The following IRF2 variants were observed in gnomAD, a reference collection of about 807,000 sequenced individuals.
IRF2 encodes the protein interferon regulatory factor 2.
A neutral mutation model predicts 40.6 loss-of-function variants in IRF2; 15 were observed. That is an observed-to-expected ratio of 0.37 (90% CI 0.25 to 0.57). IRF2 has a LOEUF of 0.57. IRF2 is among the 20% of genes least tolerant of loss of function. IRF2 has a pLI of 0.77. For missense variants in IRF2, 317 were observed against 455.7 expected (o/e 0.70, Z 2.77); for synonymous variants, 151 against 165.5 (o/e 0.91, Z 0.67).
At chr4:184,441,031 A>G (rs116196360) in intron 1 of IRF2, among the ~76,000 whole-genome samples, 2 of 152,334 alleles carry the variant, frequency 1.3e-5, no homozygotes, top group Middle Eastern at 3.4e-3. Flanking sequence ...TCTTTTCCAC[A>G]ATACTTGGCC....
At chr4:184,423,521 G>A (rs557744408) in intron 2 of IRF2, among the ~76,000 whole-genome samples, 1 of 152,114 alleles carries the variant, frequency 6.6e-6, no homozygotes, top group Non-Finnish European at 1.5e-5. Flanking sequence ...GAGATAGCCT[G>A]ATGTTTACAC....
chr4:184,431,713 G>A (rs778292166), intron 1 of IRF2, among the ~76,000 whole-genome samples: 10 of 152,228 alleles, frequency 6.6e-5, no homozygotes, highest in Non-Finnish European at 1.2e-4. Context: ...CTGACGTGCA[G>A]AAGTGCTGTG....
At chr4:184,433,352 G>C (rs1737959526) in intron 1 of IRF2, among the ~76,000 whole-genome samples, 1 of 152,084 alleles carries the variant, frequency 6.6e-6, no homozygotes, top group Non-Finnish European at 1.5e-5. Context: ...ATGCTCAATG[G>C]CCTGGCTCTC....
At chr4:184,458,073 A>C (rs1430209239) in intron 1 of IRF2, among the ~76,000 whole-genome samples, 1 of 152,138 alleles carries the variant, frequency 6.6e-6, no homozygotes, top group Non-Finnish European at 1.5e-5. Flanking sequence ...CTTTCAACCA[A>C]AAATGCCCTG....
intron 6 of IRF2, among the ~76,000 whole-genome samples, chr4:184,405,008 C>T (rs1029286636): frequency 2.0e-5 from 3 of 152,098 alleles, no homozygotes; most frequent in Admixed American, 6.5e-5. Flanking sequence ...TTTGGGAGAC[C>T]GAGGTAGGTG....
intron 6 of IRF2, 40 bp from the exon 7 acceptor site, chr4:184,399,119 C>T (rs781140860): frequency 1.3e-6 from 2 of 1,540,122 alleles, no homozygotes; most frequent in Non-Finnish European, 1.7e-6. Flanking sequence ...GTCTGCTGAC[C>T]TCACAATTCT....
intron 6 of IRF2, among the ~76,000 whole-genome samples, chr4:184,406,112 TCTC>T (rs1163101870): frequency 6.6e-6 from 1 of 152,046 alleles, no homozygotes; most frequent in Non-Finnish European, 1.5e-5. Context: ...TCAGGCCCCT[TCTC>T]CTAAGGGGTG....
rs1013033233 is a variant in IRF2, at chr4:184,458,755, A to G, written c.-7+15624T>C. On this transcript the variant is annotated intron_variant, in intron 1 of 8. Coordinates refer to ENST00000393593, the MANE Select transcript of IRF2 (RefSeq NM_002199.4). ...GTTTTCAATAAAGTTCAACTCTTCA[A>G]AAGGATTCAGCAAAACGAAAAATTT... Among the ~76,000 whole-genome samples the G allele has an allele frequency of 3.3e-5, 5 of 152,252 alleles. No individual in the cohort carries two copies. In the East Asian group the frequency reaches 9.6e-4, roughly 29 times the overall value.
At chr4:184,456,708 C>T (rs1338867357) in intron 1 of IRF2, among the ~76,000 whole-genome samples, 1 of 152,258 alleles carries the variant, frequency 6.6e-6, no homozygotes, top group Non-Finnish European at 1.5e-5. Flanking sequence ...TGTGTCTGGA[C>T]AGCAAATAAC....
At chr4:184,450,819 G>A (rs970859953) in intron 1 of IRF2, among the ~76,000 whole-genome samples, 1 of 152,118 alleles carries the variant, frequency 6.6e-6, no homozygotes, top group Admixed American at 6.5e-5. Context: ...ACCTTTCCAA[G>A]GATCACGTTA....
chr4:184,467,526 A>T (rs962319823), intron 1 of IRF2, among the ~76,000 whole-genome samples: 2 of 152,210 alleles, frequency 1.3e-5, no homozygotes, highest in Non-Finnish European at 2.9e-5. Context: ...TCTTTCAAAA[A>T]TAACATGGTA....
In IRF2 at chr4:184,444,433, T is replaced by C. The variant is rs115619905; in HGVS notation, c.-6-15363A>G. Among the ~76,000 whole-genome samples, 795 of 152,298 alleles carry C rather than the reference T, an allele frequency of 5.2e-3. 9 individuals are homozygous for C. The highest frequency in any genetic ancestry group is 0.018 in the African/African-American group (756 of 41,566). ...GACCCTATGCCTCAGTTTTCTCCTC[T>C]GTAAAATGGGATAACTTCCGCATGG... On this transcript the variant is annotated intron_variant, in intron 1 of 8. Coordinates refer to ENST00000393593, the MANE Select transcript of IRF2 (RefSeq NM_002199.4).
intron 5 of IRF2, among the ~76,000 whole-genome samples, chr4:184,415,545 A>G (rs936992776): frequency 2.6e-5 from 4 of 152,220 alleles, no homozygotes; most frequent in African/African-American, 9.7e-5. Context: ...GCATTGCCAC[A>G]TCCCTGAAAG....
At chr4:184,468,494 G>GAA (rs11407797) in intron 1 of IRF2, among the ~76,000 whole-genome samples, 12 of 150,738 alleles carry the variant, frequency 8.0e-5, no homozygotes, top group East Asian at 2.0e-4. Flanking sequence ...TCTCAAAAAA[G>GAA]AAAAAAAAAG....
chr4:184,408,317 TC>T lies in IRF2; in HGVS notation c.412-43del. On this transcript the variant is annotated intron_variant, in intron 5 of 8. Transcript: ENST00000393593. The surrounding 1 kb of genome is among the most constrained non-coding windows in gnomAD (Gnocchi z 4.9). ...AAAAAAGAATTGAGAACACTTCCTT[TC>T]CCCTCCCTTCTCTTAGCTGAAATTC... is the stretch of plus-strand genomic sequence containing the variant. 1 of 1,192,314 alleles carries T rather than the reference TC, an allele frequency of 8.4e-7. No individual in the cohort carries two copies. The highest frequency in any genetic ancestry group is 1.3e-6 in the Non-Finnish European group (1 of 798,374). The allele number at this position is 1,192,314 out of a possible 1,614,324, so 73.9% of individuals were successfully genotyped here.
intron 5 of IRF2, among the ~76,000 whole-genome samples, chr4:184,416,335 A>C (rs551798901): frequency 6.6e-6 from 1 of 151,644 alleles, no homozygotes; most frequent in African/African-American, 2.4e-5. Flanking sequence ...AAACAAAAAA[A>C]AAAAAAAACG....
At chr4:184,472,696 T>A (rs1043754255) in intron 1 of IRF2, 5 of 151,718 alleles carry the variant, frequency 3.3e-5, no homozygotes, top group African/African-American at 1.2e-4. Flanking sequence ...GGGCAATATG[T>A]CCCCAAGTTT....
intron 1 of IRF2, among the ~76,000 whole-genome samples, chr4:184,436,281 C>A (rs141190819): frequency 6.6e-6 from 1 of 152,120 alleles, no homozygotes; most frequent in Non-Finnish European, 1.5e-5. Flanking sequence ...GGCCATGGAA[C>A]GCCTTTTCTT....
intron 2 of IRF2, among the ~76,000 whole-genome samples, chr4:184,428,052 A>T (rs775476582): frequency 2.0e-5 from 3 of 152,216 alleles, no homozygotes; most frequent in African/African-American, 7.2e-5. Flanking sequence ...TTTTGCCGAC[A>T]TTATCTCTTT....
Sources: gnomAD v4.1 joint callset for allele counts (sites outside exome capture counted in the v4.1 genomes callset) on GRCh38, gnomAD v4.1.1 for gene constraint, Gnocchi (gnomAD v3.1) non-coding constraint, MANE v1.5 for transcripts, NCBI Gene and HGNC (gene_info 2026-07-23, HGNC 2026-07-21) for gene names.